COLGALT2: variants seen among roughly 807,000 people sequenced by gnomAD.
COLGALT2 encodes the protein collagen beta(1-O)galactosyltransferase 2, also known as procollagen galactosyltransferase 2.
COLGALT2 carries 49 observed loss-of-function variants against 73.4 expected under a neutral mutation model. That is an observed-to-expected ratio of 0.67 (90% confidence interval 0.53 to 0.85). The LOEUF is 0.85. COLGALT2 is among the 40% of genes least tolerant of loss of function. The pLI is 0.00. For missense variants in COLGALT2, 722 were observed against 790.2 expected (o/e 0.91, Z 1.03); for synonymous variants, 295 against 307.6 (o/e 0.96, Z 0.43).
At chr1:183,956,402 A>T (rs1397977887) in intron 6 of COLGALT2, among the ~76,000 whole-genome samples, 1 of 152,142 alleles carries the variant, frequency 6.6e-6, no homozygotes, top group African/African-American at 2.4e-5. Context: ...AGCAGCCGAG[A>T]ATATTCTGGT....
chr1:183,956,374 T>G (rs1241420290), intron 6 of COLGALT2, among the ~76,000 whole-genome samples: 1 of 152,218 alleles, frequency 6.6e-6, no homozygotes, highest in East Asian at 1.9e-4. Flanking sequence ...ATGCAGTGCA[T>G]GTCTTTGTCT....
At chr1:184,026,071 A>T (rs1001863968) in intron 1 of COLGALT2, among the ~76,000 whole-genome samples, 3 of 152,232 alleles carry the variant, frequency 2.0e-5, no homozygotes, top group Admixed American at 1.3e-4. Flanking sequence ...CATTTCCCTT[A>T]TGTTACAGGA....
intron 6 of COLGALT2, among the ~76,000 whole-genome samples, chr1:183,960,999 G>T (rs546955355): frequency 6.6e-6 from 1 of 152,266 alleles, no homozygotes; most frequent in African/African-American, 2.4e-5. Flanking sequence ...ATTAGAGAAG[G>T]ATACTTGACT....
intron 1 of COLGALT2, among the ~76,000 whole-genome samples, chr1:183,989,450 G>A (rs901253926): frequency 2.0e-5 from 3 of 152,298 alleles, no homozygotes; most frequent in Admixed American, 6.5e-5. Flanking sequence ...GGCTTGCTAC[G>A]TGCAGCAATT....
intron 1 of COLGALT2, among the ~76,000 whole-genome samples, chr1:184,015,451 A>G (rs1648968390): frequency 6.6e-6 from 1 of 152,148 alleles, no homozygotes; most frequent in Non-Finnish European, 1.5e-5. Flanking sequence ...GGGCTTCCCA[A>G]GGGGAGAAAT....
At position 183,936,013 on chromosome 1, in the gene COLGALT2, G is replaced by A. The variant is rs375865104; in HGVS notation, c.*2748C>T. ...GAACCGCAAGCGGGGCCCATGCAGC[G>A]TGTCCTCTGCAAAGTGCAGGTGTTC... On this transcript the variant is annotated 3_prime_UTR_variant, in exon 12 of 12. Coordinates refer to ENST00000361927, the MANE Select transcript of COLGALT2 (RefSeq NM_015101.4). 5.1e-6 allele frequency: 5 copies of A among 985,410 alleles called. No individual in the cohort carries two copies. Among genetic ancestry groups the A allele is most frequent in the East Asian group, 1.1e-4 (1 of 8,818 alleles). 61.0% of individuals were successfully genotyped at this position (985,410 alleles called of 1,614,324 possible).
chr1:184,036,511 C>A (rs765606964), intron 1 of COLGALT2, among the ~76,000 whole-genome samples: 16 of 152,236 alleles, frequency 1.1e-4, no homozygotes, highest in Non-Finnish European at 2.2e-4. Context: ...GCGGGCTCCG[C>A]CCAATCTCCA....
At chr1:183,950,926 C>T (rs1670378576) in intron 8 of COLGALT2, 81 bp downstream of exon 8, 2 of 1,026,574 alleles carry the variant, frequency 1.9e-6, no homozygotes, top group Non-Finnish European at 3.0e-6. Context: ...ACTTAGAGCC[C>T]CACCTGGGAC....
rs1315107823 is a variant in COLGALT2 at position 183,978,520 on chromosome 1, C to A, written c.264G>T (p.Trp88Cys). 6.3e-7 allele frequency: 1 copy of A among 1,577,132 alleles called. No homozygotes were observed. The highest frequency in any genetic ancestry group is 8.7e-7 in the Non-Finnish European group (1 of 1,148,250). Residue 88 changes from tryptophan to cysteine, a missense_variant and splice_region_variant, in exon 2 of 12, where the codon TGG becomes TGT. Physicochemically the swap from Trp to Cys is radical, Grantham distance 215. Transcript: ENST00000361927. ...LDYPKSRMAI[W>C]AATDHNVDNT... is the part of the protein sequence containing the mutation. Reference sequence around the variant, plus strand: ...TATCCACATTGTGATCAGTGGCTGCCCTGCATGAGAGAAAGCACAATATAG... The same window carrying A: ...TATCCACATTGTGATCAGTGGCTGCACTGCATGAGAGAAAGCACAATATAG...
At chr1:183,990,721 T>C (rs1311948531) in intron 1 of COLGALT2, among the ~76,000 whole-genome samples, 1 of 152,124 alleles carries the variant, frequency 6.6e-6, no homozygotes, top group Non-Finnish European at 1.5e-5. Context: ...CAGAAAGGGA[T>C]GAAAGAGTCT....
rs1670971232 is a variant in COLGALT2 at position 183,969,337 on chromosome 1, G to C, written c.764C>G (p.Pro255Arg). The C allele has an allele frequency of 6.2e-7, 1 of 1,613,950 alleles. No individual in the cohort carries two copies. Among genetic ancestry groups the C allele is most frequent in the Non-Finnish European group, 8.5e-7 (1 of 1,179,902 alleles). Residue 255 changes from proline to arginine, a missense_variant, in exon 5 of 12, where the codon CCC becomes CGC. Coordinates refer to ENST00000361927, the MANE Select transcript of COLGALT2 (RefSeq NM_015101.4). ...GGTCCAGGTGTAGTCCTGGTGTGGG[G>C]GGTAGAAAGTCAGCTTGTCCGAGGC... Reference protein sequence around the residue: ...KEASDKLTFYPPHQDYTWTFD... With the variant: ...KEASDKLTFYRPHQDYTWTFD...
chr1:184,030,393 G>A (rs1258576056), intron 1 of COLGALT2, among the ~76,000 whole-genome samples: 1 of 152,128 alleles, frequency 6.6e-6, no homozygotes, highest in Non-Finnish European at 1.5e-5. Context: ...CATACCATAG[G>A]CTAATGATTT....
intron 5 of COLGALT2, among the ~76,000 whole-genome samples, chr1:183,966,164 T>C (rs1670865743): frequency 6.6e-6 from 1 of 152,202 alleles, no homozygotes; most frequent in African/African-American, 2.4e-5. Context: ...ACTATATGAA[T>C]ACTTTCAACC....
Position 183,936,376 on chromosome 1 carries a change from A to G in COLGALT2, c.*2385T>C. Reference sequence around the variant, plus strand: ...AAAAGAACACTGCTTGGGATTCTAGACCTGAGCAGGGAGAAACAAACCGGG... The same window carrying G: ...AAAAGAACACTGCTTGGGATTCTAGGCCTGAGCAGGGAGAAACAAACCGGG... On this transcript the variant is annotated 3_prime_UTR_variant, in exon 12 of 12. Coordinates refer to ENST00000361927, the MANE Select transcript of COLGALT2 (RefSeq NM_015101.4). 1.0e-6 allele frequency: 1 copy of G among 985,974 alleles called. No homozygotes were observed. Among genetic ancestry groups the G allele is most frequent in the Non-Finnish European group, 1.2e-6 (1 of 830,022 alleles). 61.1% of individuals were successfully genotyped at this position (985,974 alleles called of 1,614,324 possible). A position where few individuals can be genotyped will look rare whatever the true frequency, so the allele number is the denominator to read the frequency against.
chr1:184,001,676 A>G (rs561819516), intron 1 of COLGALT2, among the ~76,000 whole-genome samples: 41 of 152,344 alleles, frequency 2.7e-4, no homozygotes, highest in African/African-American at 9.9e-4. Context: ...ATATATGCAG[A>G]TAATCAAATT....
At chr1:183,959,476 T>C (rs1261256630) in intron 6 of COLGALT2, among the ~76,000 whole-genome samples, 5 of 152,322 alleles carry the variant, frequency 3.3e-5, no homozygotes, top group Middle Eastern at 3.4e-3. Context: ...GCTAAAATCT[T>C]GGACTCATCT....
chr1:184,010,294 A>ATATT (rs1423944348), intron 1 of COLGALT2, among the ~76,000 whole-genome samples: 1 of 152,220 alleles, frequency 6.6e-6, no homozygotes, highest in African/African-American at 2.4e-5. Context: ...AAATCCTTAA[A>ATATT]TATTGGCAAT....
intron 4 of COLGALT2, among the ~76,000 whole-genome samples, chr1:183,971,608 T>C (rs2102814312): frequency 6.6e-6 from 1 of 152,320 alleles, no homozygotes; most frequent in East Asian, 1.9e-4. Context: ...GTTAGAAATA[T>C]GAACATATTA....
downstream of COLGALT2, among the ~76,000 whole-genome samples, chr1:183,931,878 AT>A (rs1275827064): frequency 6.7e-6 from 1 of 148,196 alleles, no homozygotes; most frequent in Non-Finnish European, 1.5e-5. Flanking sequence ...AAAAAAAAAA[AT>A]CAAGGCACCA....
Sources: allele counts gnomAD v4.1 joint callset (sites outside exome capture counted in the v4.1 genomes callset), GRCh38; gene constraint gnomAD v4.1.1; transcripts MANE v1.5; gene names NCBI Gene and HGNC (gene_info 2026-07-23, HGNC 2026-07-21).